The following NRG3 variants were observed in gnomAD, a reference collection of about 807,000 sequenced individuals.
NRG3 encodes pro-neuregulin-3, membrane-bound isoform.
Under a neutral mutation model 66.9 loss-of-function variants are expected in NRG3, and 31 were observed. That is an observed-to-expected ratio of 0.46 (90% confidence interval 0.35 to 0.63). NRG3 has a LOEUF of 0.63. Ranked by LOEUF, NRG3 falls within the 20% of genes least tolerant of loss-of-function variation. NRG3 has a pLI of 0.00. For synonymous variants in NRG3, 393 were observed against 359.4 expected (o/e 1.09, Z -1.06); for missense variants, 910 against 878.9 (o/e 1.04, Z -0.45).
intron 1 of NRG3, among the ~76,000 whole-genome samples, chr10:82,263,518 A>G (rs918558907): frequency 1.3e-5 from 2 of 152,170 alleles, no homozygotes; most frequent in African/African-American, 4.8e-5. Flanking sequence ...CTGAACTGAT[A>G]TAGTAAAAAT....
In NRG3 at chr10:82,928,612, G is replaced by GT. The variant is rs59744503; in HGVS notation, c.1055-22844dup. The stretch of plus-strand genomic sequence containing the variant: ...TTTTATCTATTTCAGGGATCAGCAG[G>GT]TTTTTTTTTTTTTAAAAGTAAATCT... On this transcript the variant is annotated intron_variant, in intron 4 of 8. Coordinates refer to ENST00000372141, the MANE Select transcript of NRG3 (RefSeq NM_001010848.4). 1.4e-3 allele frequency among the ~76,000 whole-genome samples: 160 copies of GT among 117,844 alleles called. 1 individual carries two copies. The highest frequency in any genetic ancestry group is 3.9e-3 in the African/African-American group (134 of 33,990). 77.3% of individuals were successfully genotyped at this position (117,844 alleles called of 152,430 possible).
At chr10:82,246,467 A>T (rs2077248396) in intron 1 of NRG3, among the ~76,000 whole-genome samples, 1 of 152,224 alleles carries the variant, frequency 6.6e-6, no homozygotes, top group Non-Finnish European at 1.5e-5. Context: ...AACACGAAGG[A>T]TGAAAAAATC....
intron 1 of NRG3, among the ~76,000 whole-genome samples, chr10:82,078,373 C>A (rs1342323453): frequency 6.6e-6 from 1 of 152,138 alleles, no homozygotes; most frequent in Non-Finnish European, 1.5e-5. Context: ...TTTTTCGAGA[C>A]AGAATCTTGC....
intron 3 of NRG3, among the ~76,000 whole-genome samples, chr10:82,795,924 C>T (rs1591549090): frequency 6.6e-6 from 1 of 151,954 alleles, no homozygotes; most frequent in Non-Finnish European, 1.5e-5. Flanking sequence ...AAACAATGGC[C>T]TCCCATAATC....
chr10:82,493,004 A>G (rs896806058), intron 2 of NRG3, among the ~76,000 whole-genome samples: 10 of 152,182 alleles, frequency 6.6e-5, no homozygotes, highest in African/African-American at 2.4e-4. Flanking sequence ...TTAGTTGGGT[A>G]TCCCTGCTGG....
chr10:81,900,082 G>A (rs1589393236), intron 1 of NRG3, among the ~76,000 whole-genome samples: 1 of 152,016 alleles, frequency 6.6e-6, no homozygotes, highest in African/African-American at 2.4e-5. Context: ...AAGTAGCTGG[G>A]ATTGCAGGCG....
intron 3 of NRG3, among the ~76,000 whole-genome samples, chr10:82,783,323 T>G (rs987884133): frequency 2.0e-5 from 3 of 150,384 alleles, no homozygotes; most frequent in Non-Finnish European, 4.4e-5. Flanking sequence ...CTCTCACCAC[T>G]CCTATTCAAC....
At chr10:82,772,519 CT>C (rs1452460313) in intron 3 of NRG3, among the ~76,000 whole-genome samples, 1 of 151,928 alleles carries the variant, frequency 6.6e-6, no homozygotes. Flanking sequence ...TATTCTATAT[CT>C]CTGTATATTT....
intron 1 of NRG3, among the ~76,000 whole-genome samples, chr10:81,922,221 C>G (rs1846314764): frequency 6.6e-6 from 1 of 152,072 alleles, no homozygotes; most frequent in Non-Finnish European, 1.5e-5. Flanking sequence ...CTTATATTGG[C>G]ACTAACTTGA....
intron 1 of NRG3, among the ~76,000 whole-genome samples, chr10:81,936,780 A>G (rs1452768954): frequency 6.6e-6 from 1 of 152,106 alleles, no homozygotes; most frequent in Non-Finnish European, 1.5e-5. Flanking sequence ...TGTTCTAGGC[A>G]GCATGAGGGT....
intron 2 of NRG3, among the ~76,000 whole-genome samples, chr10:82,515,747 A>G (rs1184329604): frequency 6.6e-6 from 1 of 152,184 alleles, no homozygotes; most frequent in East Asian, 1.9e-4. Flanking sequence ...CACCACTTCC[A>G]GGTCACTACC....
chr10:82,372,772 T>C (rs1232479044), intron 2 of NRG3, among the ~76,000 whole-genome samples: 6 of 152,182 alleles, frequency 3.9e-5, no homozygotes, highest in Admixed American at 2.6e-4. Flanking sequence ...TGTAGTATTT[T>C]TAGTAAAGAC....
intron 1 of NRG3, among the ~76,000 whole-genome samples, chr10:82,085,916 G>A (rs1329638182): frequency 6.6e-6 from 1 of 152,054 alleles, no homozygotes; most frequent in African/African-American, 2.4e-5. Flanking sequence ...GGGCTTACAG[G>A]CATGAGCCAC....
chr10:82,223,656 C>A (rs900421218), intron 1 of NRG3, among the ~76,000 whole-genome samples: 1 of 149,964 alleles, frequency 6.7e-6, no homozygotes, highest in Non-Finnish European at 1.5e-5. Context: ...CACACACACA[C>A]ACACACACAC....
At chr10:81,878,218 T>C (rs983891796) in intron 1 of NRG3, 23 of 767,112 alleles carry the variant, frequency 3.0e-5, no homozygotes, top group Middle Eastern at 2.4e-4. Flanking sequence ...GAAAAATCTG[T>C]AAATGGTGTC....
chr10:82,914,026 G>A (rs1042057287), intron 4 of NRG3, among the ~76,000 whole-genome samples: 3 of 151,836 alleles, frequency 2.0e-5, no homozygotes, highest in Non-Finnish European at 4.4e-5. Context: ...TTTTAGTGTT[G>A]CTATTGATAC....
chr10:82,022,214 A>G (rs2062095663), intron 1 of NRG3, among the ~76,000 whole-genome samples: 1 of 152,114 alleles, frequency 6.6e-6, no homozygotes, highest in Admixed American at 6.6e-5. Flanking sequence ...GTAGGTAGGC[A>G]ACTCATTACA....
intron 2 of NRG3, among the ~76,000 whole-genome samples, chr10:82,625,388 A>C (rs1436797096): frequency 6.6e-6 from 1 of 152,112 alleles, no homozygotes; most frequent in Non-Finnish European, 1.5e-5. Context: ...ATACACAGAT[A>C]CTTTTTTTAG....
chr10:82,906,055 T>C (rs2131924729), intron 4 of NRG3, among the ~76,000 whole-genome samples: 1 of 152,298 alleles, frequency 6.6e-6, no homozygotes, highest in South Asian at 2.1e-4. Flanking sequence ...CCCAGCTACG[T>C]GCTATCCTGC....
Sources: allele counts gnomAD v4.1 joint callset (sites outside exome capture counted in the v4.1 genomes callset), GRCh38; gene constraint gnomAD v4.1.1; transcripts MANE v1.5; gene names NCBI Gene and HGNC (gene_info 2026-07-23, HGNC 2026-07-21).